The following NRXN3 variants were observed in gnomAD, a reference collection of about 807,000 sequenced individuals.
The protein encoded by NRXN3 is neurexin III.
Under a neutral mutation model 137.6 loss-of-function variants are expected in NRXN3, and 32 were observed. The observed-to-expected ratio is 0.23, with a 90% CI of 0.18 to 0.31. The LOEUF is 0.31. Ranked by LOEUF, NRXN3 falls within the 10% of genes least tolerant of loss-of-function variation. The probability of loss-of-function intolerance (pLI) is 1.00; values close to 1 mark genes in which losing one functional copy is unlikely to be tolerated. For missense variants in NRXN3, 1,574 were observed against 2,062.5 expected (o/e 0.76, Z 4.59); for synonymous variants, 798 against 784.5 (o/e 1.02, Z -0.29).
intron 4 of NRXN3, among the ~76,000 whole-genome samples, chr14:78,618,646 G>A (rs973787302): frequency 2.6e-5 from 4 of 152,182 alleles, no homozygotes; most frequent in Admixed American, 6.5e-5. Context: ...ACAAACCTTA[G>A]CGAGCTTCCT....
At chr14:79,175,477 G>A (rs974723340) in intron 15 of NRXN3, among the ~76,000 whole-genome samples, 2 of 152,130 alleles carry the variant, frequency 1.3e-5, no homozygotes, top group African/African-American at 2.4e-5. Flanking sequence ...TCCATTGCAC[G>A]TGCTTTACAT....
chr14:78,666,247 T>C (rs960162669), intron 6 of NRXN3, among the ~76,000 whole-genome samples: 12 of 152,218 alleles, frequency 7.9e-5, no homozygotes, highest in African/African-American at 2.9e-4. Flanking sequence ...TGCCTATTTG[T>C]TTCTTCTTCT....
At chr14:78,312,973 GA>G (rs1301684623) in intron 4 of NRXN3, among the ~76,000 whole-genome samples, 3 of 152,174 alleles carry the variant, frequency 2.0e-5, no homozygotes, top group African/African-American at 7.2e-5. Flanking sequence ...TTACAAGAGT[GA>G]TTTAGTTCTA....
At chr14:78,984,707 G>T (rs2153056748) in intron 14 of NRXN3, among the ~76,000 whole-genome samples, 1 of 152,282 alleles carries the variant, frequency 6.6e-6, no homozygotes, top group African/African-American at 2.4e-5. Flanking sequence ...GTAGGTCTGG[G>T]TACAGCCTTA....
chr14:78,316,830 A>G (rs1332220762), intron 4 of NRXN3, among the ~76,000 whole-genome samples: 2 of 152,126 alleles, frequency 1.3e-5, no homozygotes, highest in Admixed American at 6.5e-5. Context: ...TGTTGGCTTC[A>G]TTTTTGGCAG....
intron 19 of NRXN3, among the ~76,000 whole-genome samples, chr14:79,769,135 A>C (rs2099067434): frequency 6.6e-6 from 1 of 150,758 alleles, no homozygotes; most frequent in African/African-American, 2.4e-5. Flanking sequence ...AAAAGACCAA[A>C]TCTACGTCTG....
chr14:78,393,724 T>C (rs528040307), intron 4 of NRXN3, among the ~76,000 whole-genome samples: 77 of 152,160 alleles, frequency 5.1e-4, no homozygotes, highest in African/African-American at 1.8e-3. Flanking sequence ...CTTCACTATG[T>C]TGGGGTTTCA....
At chr14:79,730,684 AATT>A (rs1234116471) in intron 19 of NRXN3, among the ~76,000 whole-genome samples, 5 of 152,230 alleles carry the variant, frequency 3.3e-5, no homozygotes, top group Admixed American at 3.3e-4. Context: ...TTAACTATGT[AATT>A]CCACAAACTG....
chr14:79,358,641 G>GAAAGAAAGAAAGAAAGAAAC (rs2093560725), intron 15 of NRXN3, among the ~76,000 whole-genome samples: 1 of 150,666 alleles, frequency 6.6e-6, no homozygotes, highest in Non-Finnish European at 1.5e-5. Context: ...AAGAAAGAAA[G>GAAAGAAAGAAAGAAAGAAAC]AAAGAAAGAA....
intron 9 of NRXN3, among the ~76,000 whole-genome samples, chr14:78,806,195 A>G (rs1344298439): frequency 6.6e-6 from 1 of 152,036 alleles, no homozygotes; most frequent in Non-Finnish European, 1.5e-5. Context: ...TTTTTACACC[A>G]AAGGATAGGT....
At chr14:78,344,439 G>T (rs968857483) in intron 4 of NRXN3, among the ~76,000 whole-genome samples, 1 of 152,230 alleles carries the variant, frequency 6.6e-6, no homozygotes, top group Non-Finnish European at 1.5e-5. Context: ...AGAAAGAGAT[G>T]CTGACTTTAT....
chr14:78,868,799 CA>C (rs1318933147), intron 10 of NRXN3, among the ~76,000 whole-genome samples: 3 of 149,754 alleles, frequency 2.0e-5, no homozygotes, highest in Non-Finnish European at 4.4e-5. Context: ...CCAGCCAGGG[CA>C]AAAAAAGCGA....
chr14:79,766,814 G>A (rs2099057556), intron 19 of NRXN3, among the ~76,000 whole-genome samples: 1 of 152,162 alleles, frequency 6.6e-6, no homozygotes, highest in African/African-American at 2.4e-5. Context: ...GAAGAAGAAG[G>A]GCATGGTTGG....
At chr14:78,950,980 C>A (rs914613539) in intron 10 of NRXN3, among the ~76,000 whole-genome samples, 2 of 152,076 alleles carry the variant, frequency 1.3e-5, no homozygotes, top group African/African-American at 4.8e-5. Context: ...TCAGAGCAAA[C>A]CCTAGGAATC....
At chr14:78,481,682 A>G (rs2095475867) in intron 4 of NRXN3, among the ~76,000 whole-genome samples, 1 of 152,208 alleles carries the variant, frequency 6.6e-6, no homozygotes, top group African/African-American at 2.4e-5. Flanking sequence ...AGAGCTAGCA[A>G]TCTTCAAGCC....
At chr14:79,234,320 A>AT (rs1555883771) in intron 15 of NRXN3, among the ~76,000 whole-genome samples, 3 of 113,628 alleles carry the variant, frequency 2.6e-5, no homozygotes, top group Admixed American at 8.6e-5. Flanking sequence ...ATATATATAT[A>AT]TATATATATA....
chr14:79,138,453 A>C (rs921635108), intron 15 of NRXN3, among the ~76,000 whole-genome samples: 4 of 152,222 alleles, frequency 2.6e-5, no homozygotes, highest in Non-Finnish European at 4.4e-5. Flanking sequence ...ATATTTTTAC[A>C]AGTATCAGAC....
intron 15 of NRXN3, among the ~76,000 whole-genome samples, chr14:79,170,993 C>T (rs1483961441): frequency 2.0e-5 from 3 of 151,896 alleles, no homozygotes; most frequent in Non-Finnish European, 2.9e-5. Flanking sequence ...TATGTCTCAG[C>T]GGAGGTGGAA....
rs1198826983 is a variant in NRXN3, at chr14:78,890,162, A to G, written c.2276-67080A>G. On this transcript the variant is annotated intron_variant, in intron 10 of 20. Coordinates refer to ENST00000335750, the MANE Select transcript of NRXN3 (RefSeq NM_001330195.2). ...AAAAAAATTTCTGTTGTTTTAAGCC[A>G]GTGAGTTTGTGGTAATTTTTTAATG... Among the ~76,000 whole-genome samples the G allele has an allele frequency of 5.3e-5, 8 of 152,088 alleles. No individual in the cohort carries two copies. The South Asian group carries it at 1.7e-3, about 32-fold the overall frequency.
Sources: gnomAD v4.1 joint callset for allele counts (sites outside exome capture counted in the v4.1 genomes callset) on GRCh38, gnomAD v4.1.1 for gene constraint, MANE v1.5 for transcripts, NCBI Gene and HGNC (gene_info 2026-07-23, HGNC 2026-07-21) for gene names.